PABPC4L: variants seen among roughly 807,000 people sequenced by gnomAD.
PABPC4L encodes polyadenylate-binding protein 4-like.
For synonymous variants in PABPC4L, 169 were observed against 164.1 expected (o/e 1.03, Z -0.23); for missense variants, 452 against 451.4 (o/e 1.00, Z -0.01).
At chr4:134,117,299 C>A in the PABPC4L span, among the ~76,000 whole-genome samples, 11 of 151,892 alleles carry the variant, frequency 7.2e-5, no homozygotes, top group Admixed American at 2.0e-4. Context: ...CTCTGTCTTA[C>A]TTTCTGGAAC....
At chr4:134,140,942 T>C in the PABPC4L span, among the ~76,000 whole-genome samples, 3,414 of 151,872 alleles carry the variant, frequency 0.022, 130 homozygotes, top group African/African-American at 0.078. Context: ...CTCATTCTGC[T>C]TCAGTGTATA....
chr4:134,071,103 A>G, the PABPC4L span, among the ~76,000 whole-genome samples: 1 of 152,144 alleles, frequency 6.6e-6, no homozygotes, highest in South Asian at 2.1e-4. Flanking sequence ...GGAGGTCATA[A>G]GGTCTCCTGC....
chr4:133,980,522 T>C, the PABPC4L span, among the ~76,000 whole-genome samples: 1 of 152,154 alleles, frequency 6.6e-6, no homozygotes, highest in African/African-American at 2.4e-5. Context: ...TGAAGAGGCA[T>C]AGGCTATATA....
the PABPC4L span, among the ~76,000 whole-genome samples, chr4:133,957,667 C>A: frequency 6.6e-6 from 1 of 152,170 alleles, no homozygotes; most frequent in African/African-American, 2.4e-5. Context: ...GGGATGCACC[C>A]CAGCAGTAAA....
the PABPC4L span, among the ~76,000 whole-genome samples, chr4:134,099,517 T>C: frequency 6.6e-6 from 1 of 151,750 alleles, no homozygotes; most frequent in Non-Finnish European, 1.5e-5. Context: ...TTCCAGATGA[T>C]ACAAAAACAT....
the PABPC4L span, among the ~76,000 whole-genome samples, chr4:134,125,311 C>CTT: frequency 6.7e-6 from 1 of 148,408 alleles, no homozygotes. Flanking sequence ...ACATCCTCCT[C>CTT]TTTTTTTTTT....
chr4:133,953,142 C>T, the PABPC4L span, among the ~76,000 whole-genome samples: 110 of 152,226 alleles, frequency 7.2e-4, no homozygotes, highest in Non-Finnish European at 1.4e-3. Flanking sequence ...TTCCTTTTTC[C>T]ATTCCAGACA....
At chr4:134,063,381 A>G in the PABPC4L span, among the ~76,000 whole-genome samples, 1 of 152,070 alleles carries the variant, frequency 6.6e-6, no homozygotes, top group Admixed American at 6.6e-5. Flanking sequence ...TTATAATTTC[A>G]TAATACAGTG....
At chr4:134,108,997 A>G in the PABPC4L span, among the ~76,000 whole-genome samples, 31,786 of 151,904 alleles carry the variant, frequency 0.21, 4,122 homozygotes, top group Non-Finnish European at 0.27. Flanking sequence ...TGATAAATAA[A>G]CATTCATGCC....
the PABPC4L span, among the ~76,000 whole-genome samples, chr4:134,099,202 C>T: frequency 2.0e-5 from 3 of 151,564 alleles, no homozygotes; most frequent in Non-Finnish European, 3.0e-5. Flanking sequence ...ATAATACTCT[C>T]CAATGTTTTT....
chr4:134,179,142 C>T, the PABPC4L span, among the ~76,000 whole-genome samples: 2 of 151,900 alleles, frequency 1.3e-5, no homozygotes, highest in African/African-American at 4.8e-5. Context: ...TTAAAGAGCA[C>T]TAGAAAGAAG....
chr4:134,050,158 A>G, the PABPC4L span, among the ~76,000 whole-genome samples: 2 of 152,104 alleles, frequency 1.3e-5, no homozygotes, highest in Non-Finnish European at 1.5e-5. Context: ...ACATTAAAAA[A>G]TTTTTTTCAA....
the PABPC4L span, among the ~76,000 whole-genome samples, chr4:133,953,069 G>A: frequency 4.5e-4 from 69 of 152,078 alleles, no homozygotes; most frequent in Non-Finnish European, 7.4e-4. Context: ...GGTGGGACCT[G>A]CTCAGAAAGA....
the PABPC4L span, among the ~76,000 whole-genome samples, chr4:134,178,587 G>C: frequency 6.6e-6 from 1 of 152,032 alleles, no homozygotes; most frequent in East Asian, 1.9e-4. Context: ...ATAAGAACAG[G>C]AATGAAAATC....
At chr4:134,083,503 G>A in the PABPC4L span, among the ~76,000 whole-genome samples, 2 of 152,012 alleles carry the variant, frequency 1.3e-5, no homozygotes, top group South Asian at 2.1e-4. Flanking sequence ...ACTGAACAAC[G>A]TGTGACAGAA....
chr4:134,058,026 G>A, the PABPC4L span, among the ~76,000 whole-genome samples: 3 of 152,088 alleles, frequency 2.0e-5, 1 homozygote, highest in South Asian at 4.1e-4. Flanking sequence ...TTTTAAATAT[G>A]AGTTGAGGTG....
the PABPC4L span, among the ~76,000 whole-genome samples, chr4:134,176,297 A>G: frequency 6.6e-6 from 1 of 152,022 alleles, no homozygotes; most frequent in African/African-American, 2.4e-5. Flanking sequence ...TCATTTATAG[A>G]AATAAGTTAT....
chr4:134,022,895 T>A, the PABPC4L span, among the ~76,000 whole-genome samples: 2 of 152,098 alleles, frequency 1.3e-5, no homozygotes, highest in African/African-American at 4.8e-5. Flanking sequence ...AAAATTTGAA[T>A]ACTATATTTT....
At chr4:134,006,732 C>G in the PABPC4L span, among the ~76,000 whole-genome samples, 1 of 151,912 alleles carries the variant, frequency 6.6e-6, no homozygotes, top group African/African-American at 2.4e-5. Flanking sequence ...TTCTACATTA[C>G]ATTCTCCAAA....
Sources: gnomAD v4.1 joint callset for allele counts (sites outside exome capture counted in the v4.1 genomes callset) on GRCh38, gnomAD v4.1.1 for gene constraint, MANE v1.5 for transcripts, NCBI Gene and HGNC (gene_info 2026-07-23, HGNC 2026-07-21) for gene names.